The following BTBD10 variants were observed in gnomAD, a reference collection of about 807,000 sequenced individuals.
BTBD10 encodes the protein BTB/POZ domain-containing protein 10.
Under a neutral mutation model 53.2 loss-of-function variants are expected in BTBD10, and 21 were observed. The observed-to-expected ratio is 0.39, with a 90% confidence interval of 0.28 to 0.57. BTBD10 has a LOEUF of 0.57. Among genes scored for constraint, BTBD10 ranks in the 20% least tolerant of loss-of-function variants. The probability of loss-of-function intolerance (pLI) is 0.53; values close to 1 mark genes in which losing one functional copy is unlikely to be tolerated. For missense variants in BTBD10, 360 were observed against 594.7 expected, an observed-to-expected ratio of 0.61 and a Z score of 4.10; for synonymous variants, 149 against 192.7, an observed-to-expected ratio of 0.77 and a Z score of 1.88.
intron 1 of BTBD10, among the ~76,000 whole-genome samples, chr11:13,449,947 A>G (rs773939626): frequency 3.3e-5 from 5 of 152,218 alleles, no homozygotes; most frequent in Non-Finnish European, 7.3e-5. Context: ...AGTTTCCAAC[A>G]CATGGATTTT....
At chr11:13,454,372 C>G (rs1245044946) in intron 1 of BTBD10, among the ~76,000 whole-genome samples, 2 of 152,164 alleles carry the variant, frequency 1.3e-5, no homozygotes, top group Non-Finnish European at 2.9e-5. Flanking sequence ...TATTACCAAA[C>G]AAGCCCTAAG....
intron 4 of BTBD10, among the ~76,000 whole-genome samples, chr11:13,418,068 T>C (rs917360516): frequency 2.0e-5 from 3 of 152,100 alleles, no homozygotes; most frequent in Admixed American, 6.5e-5. Flanking sequence ...AACCTCTAGA[T>C]CCTATGGTAC....
chr11:13,402,681 A>G (rs186597649), intron 8 of BTBD10, among the ~76,000 whole-genome samples: 1 of 152,344 alleles, frequency 6.6e-6, no homozygotes, highest in East Asian at 1.9e-4. Context: ...ACATAAGATG[A>G]AAGAATATTT....
At chr11:13,415,107 CTTTT>C (rs756343405) in intron 5 of BTBD10, among the ~76,000 whole-genome samples, 1 of 127,092 alleles carries the variant, frequency 7.9e-6, no homozygotes, top group Non-Finnish European at 1.7e-5. Context: ...TCAATCAAAC[CTTTT>C]TTTTTTTTTT....
chr11:13,430,090 C>T (rs747727160), intron 2 of BTBD10, among the ~76,000 whole-genome samples: 10 of 151,750 alleles, frequency 6.6e-5, no homozygotes, highest in East Asian at 3.9e-4. Flanking sequence ...GCCTGGGCAA[C>T]GAAGCAAGAC....
chr11:13,419,635 A>G lies in BTBD10; in HGVS notation c.409T>C (p.Ser137Pro). The change falls in exon 4 of 9, where the codon TCA (serine) becomes CCA (proline). Residue 137 changes from serine to proline, a missense_variant. This residue lies in a region of BTBD10 where 109 missense variants were observed against 118.6 expected (regional missense o/e 0.92). Transcript: ENST00000278174. ...AGNSSRNSSQ[S>P]SSDGSCKTAG... The stretch of plus-strand genomic sequence containing the variant: ...GTCTTACAGCTACCATCTGAACTTG[A>G]CTGACTACTGTTTCTGCTGCTGTTC... 1.9e-6 allele frequency: 3 copies of G among 1,614,072 alleles called. No homozygotes were observed. The highest frequency in any genetic ancestry group is 2.5e-6 in the Non-Finnish European group (3 of 1,179,996).
chr11:13,397,430 C>A (rs1481095579), intron 8 of BTBD10, among the ~76,000 whole-genome samples: 2 of 152,122 alleles, frequency 1.3e-5, no homozygotes, highest in Non-Finnish European at 2.9e-5. Flanking sequence ...ATTCTTCTCT[C>A]TTTTCTTCTT....
At chr11:13,435,386 TA>T (rs1476348609) in intron 2 of BTBD10, among the ~76,000 whole-genome samples, 1 of 152,158 alleles carries the variant, frequency 6.6e-6, no homozygotes, top group Non-Finnish European at 1.5e-5. Flanking sequence ...GCAATGCTTT[TA>T]AAAAATATAA....
intron 8 of BTBD10, among the ~76,000 whole-genome samples, chr11:13,397,622 A>T (rs1414381711): frequency 2.6e-5 from 4 of 151,952 alleles, no homozygotes; most frequent in Non-Finnish European, 5.9e-5. Context: ...TAGTTCTTTT[A>T]ATTGTGATGT....
intron 8 of BTBD10, among the ~76,000 whole-genome samples, chr11:13,396,491 G>A (rs1949554609): frequency 6.6e-6 from 1 of 152,142 alleles, no homozygotes; most frequent in South Asian, 2.1e-4. Flanking sequence ...TGCAAACAGG[G>A]ACAATTTGGC....
intron 6 of BTBD10, among the ~76,000 whole-genome samples, chr11:13,408,925 T>TGC (rs1949883253): frequency 2.6e-5 from 4 of 152,294 alleles, no homozygotes; most frequent in African/African-American, 9.6e-5. Flanking sequence ...CAGGTCAGGA[T>TGC]TATAGCACTG....
intron 1 of BTBD10, among the ~76,000 whole-genome samples, chr11:13,453,240 T>A (rs998104645): frequency 1.3e-5 from 2 of 152,066 alleles, no homozygotes; most frequent in Non-Finnish European, 2.9e-5. Context: ...AGATATGCAT[T>A]ATGTAATCCC....
At chr11:13,412,350 G>A (rs889843028) in intron 6 of BTBD10, among the ~76,000 whole-genome samples, 6 of 152,194 alleles carry the variant, frequency 3.9e-5, no homozygotes, top group African/African-American at 1.2e-4. Context: ...CTACTGGGGA[G>A]GCTAAGGCAG....
intron 1 of BTBD10, among the ~76,000 whole-genome samples, chr11:13,457,542 T>C (rs1196985216): frequency 6.6e-6 from 1 of 152,226 alleles, no homozygotes; most frequent in Non-Finnish European, 1.5e-5. Context: ...AAGGGTAAAC[T>C]TAAAAATATG....
At chr11:13,441,586 A>G (rs1163506049) in intron 2 of BTBD10, among the ~76,000 whole-genome samples, 1 of 152,170 alleles carries the variant, frequency 6.6e-6, no homozygotes, top group African/African-American at 2.4e-5. Flanking sequence ...CACATTAGAT[A>G]GTAACTGTTG....
chr11:13,433,148 ATC>A (rs1277958659), intron 2 of BTBD10, among the ~76,000 whole-genome samples: 5 of 152,172 alleles, frequency 3.3e-5, no homozygotes, highest in African/African-American at 1.2e-4. Flanking sequence ...AGAAAACAGA[ATC>A]TCTCTCTCTG....
At chr11:13,403,556 A>G (rs1949756028) in intron 7 of BTBD10, among the ~76,000 whole-genome samples, 1 of 151,990 alleles carries the variant, frequency 6.6e-6, no homozygotes, top group South Asian at 2.1e-4. Flanking sequence ...TCATCTACAC[A>G]TTTATTGGAA....
chr11:13,403,498 C>A lies in BTBD10; in HGVS notation c.1007-220G>T, dbSNP rs1949754239. Among the ~76,000 whole-genome samples the A allele has an allele frequency of 3.4e-5, 5 of 148,934 alleles. No individual in the cohort carries two copies. The South Asian group carries it at 1.1e-3, about 33-fold the overall frequency. ...GTGGAAACAAGAAAAGCTTTGACAA[C>A]CAATCAGAAAACCCAATCCATAGGA... On this transcript the variant is annotated intron_variant, in intron 7 of 8. Transcript: ENST00000278174.
chr11:13,392,691 A>G (rs1339164793), intron 8 of BTBD10, among the ~76,000 whole-genome samples: 2 of 152,166 alleles, frequency 1.3e-5, no homozygotes, highest in African/African-American at 4.8e-5. Flanking sequence ...AGCCAGTCCT[A>G]CTACTGTCTT....
Sources: gnomAD v4.1 joint callset for allele counts (sites outside exome capture counted in the v4.1 genomes callset) on GRCh38, gnomAD v4.1.1 for gene constraint, gnomAD v4.1.1 regional missense constraint, MANE v1.5 for transcripts, NCBI Gene and HGNC (gene_info 2026-07-23, HGNC 2026-07-21) for gene names.